The following ABLIM1 variants were observed in gnomAD, a reference collection of about 807,000 sequenced individuals.
ABLIM1 encodes the protein actin-binding LIM protein 1.
In ABLIM1, 40 loss-of-function variants were observed where a neutral mutation model predicts 107.0. The observed-to-expected ratio is 0.37, with a 90% confidence interval of 0.29 to 0.49. The LOEUF (loss-of-function observed/expected upper bound fraction) is 0.49. Among genes scored for constraint, ABLIM1 ranks in the 20% least tolerant of loss-of-function variants. The pLI, the probability that ABLIM1 is intolerant of heterozygous loss-of-function variation, is 0.97. For missense variants in ABLIM1, 857 were observed against 1,008.5 expected (o/e 0.85, Z 2.04); for synonymous variants, 357 against 357.3 (o/e 1.00, Z 0.01).
chr10:114,587,677 C>T (rs1158448448), intron 2 of ABLIM1, among the ~76,000 whole-genome samples: 2 of 152,170 alleles, frequency 1.3e-5, no homozygotes, highest in African/African-American at 2.4e-5. Flanking sequence ...GTCCTCACCG[C>T]CCACTGTCCT....
chr10:114,706,864 A>T (rs1219517074), intron 1 of ABLIM1, among the ~76,000 whole-genome samples: 1 of 152,172 alleles, frequency 6.6e-6, no homozygotes, highest in Non-Finnish European at 1.5e-5. Flanking sequence ...TTTAAAAAAA[A>T]AAAAATTCAG....
intron 6 of ABLIM1, among the ~76,000 whole-genome samples, chr10:114,493,907 G>C: frequency 6.6e-6 from 1 of 152,204 alleles, no homozygotes; most frequent in East Asian, 1.9e-4. Flanking sequence ...GGCTGCTTCT[G>C]TAAGTTTACG....
At chr10:114,678,547 C>T (rs2080597253) in intron 1 of ABLIM1, among the ~76,000 whole-genome samples, 1 of 152,154 alleles carries the variant, frequency 6.6e-6, no homozygotes, top group African/African-American at 2.4e-5. Context: ...GCAGCCATGT[C>T]CATTTATTTA....
intron 1 of ABLIM1, among the ~76,000 whole-genome samples, chr10:114,725,376 G>T (rs1243252828): frequency 6.6e-6 from 1 of 151,970 alleles, no homozygotes. Flanking sequence ...TGTGGAGCTG[G>T]GTTTTATAAA....
chr10:114,785,356 C>A, the ABLIM1 span, among the ~76,000 whole-genome samples: 1 of 152,108 alleles, frequency 6.6e-6, no homozygotes, highest in Non-Finnish European at 1.5e-5. Context: ...ATGTAACTTT[C>A]TTTTAAAAGA....
At chr10:114,471,948 G>A (rs2066656812) in intron 10 of ABLIM1, among the ~76,000 whole-genome samples, 1 of 151,498 alleles carries the variant, frequency 6.6e-6, no homozygotes. Flanking sequence ...CAGGGGAAAC[G>A]GACTTGGGTA....
intron 1 of ABLIM1, among the ~76,000 whole-genome samples, chr10:114,739,357 G>A (rs919418537): frequency 3.3e-5 from 5 of 152,212 alleles, no homozygotes; most frequent in Non-Finnish European, 7.3e-5. Context: ...ATCCTGGCGA[G>A]TCCATAGAGT....
chr10:114,586,035 G>A (rs968219206), intron 2 of ABLIM1, among the ~76,000 whole-genome samples: 9 of 152,124 alleles, frequency 5.9e-5, no homozygotes, highest in Non-Finnish European at 1.3e-4. Context: ...TCTGGACCCT[G>A]TGTCCAGAGC....
At chr10:114,646,891 C>T (rs1291484247) in intron 1 of ABLIM1, among the ~76,000 whole-genome samples, 1 of 152,200 alleles carries the variant, frequency 6.6e-6, no homozygotes, top group Non-Finnish European at 1.5e-5. Context: ...TGAAGTATTA[C>T]TAAACAATTA....
chr10:114,439,893 G>T, intron 20 of ABLIM1, 189 bp downstream of exon 20: 3 of 943,006 alleles, frequency 3.2e-6, no homozygotes, highest in Non-Finnish European at 4.7e-6. Flanking sequence ...TGTCCCCAAG[G>T]CCTGCAGGGA....
At chr10:114,795,927 T>C in the ABLIM1 span, among the ~76,000 whole-genome samples, 2,030 of 152,110 alleles carry the variant, frequency 0.013, 52 homozygotes, top group African/African-American at 0.046. Flanking sequence ...TTTTATTTTA[T>C]TTTGCCTATA....
intron 2 of ABLIM1, among the ~76,000 whole-genome samples, chr10:114,583,458 CACACACACACATATATATATATATAT>C (rs2073782195): frequency 8.6e-5 from 1 of 11,634 alleles, no homozygotes; most frequent in Non-Finnish European, 1.8e-4. Flanking sequence ...CACACACACA[CACACACACACATATATATATATATAT>C]ATATATATAT....
At chr10:114,549,118 C>CT (rs1433916129) in intron 4 of ABLIM1, among the ~76,000 whole-genome samples, 1 of 152,204 alleles carries the variant, frequency 6.6e-6, no homozygotes, top group African/African-American at 2.4e-5. Context: ...GGTGCGGTGG[C>CT]ACACACCTGT....
chr10:114,600,617 C>T (rs374848557), intron 2 of ABLIM1, among the ~76,000 whole-genome samples: 47 of 152,188 alleles, frequency 3.1e-4, no homozygotes, highest in African/African-American at 1.1e-3. Flanking sequence ...GTCTTTGTGA[C>T]GTATGACACT....
At position 114,431,809 on chromosome 10, in the gene ABLIM1, A is replaced by G. The variant is rs944362645; in HGVS notation, c.*4451T>C. The G allele has an allele frequency of 6.6e-6, 1 of 152,224 alleles. No homozygotes were observed. The highest frequency in any genetic ancestry group is 2.4e-5 in the African/African-American group (1 of 41,454). 9.4% of individuals were successfully genotyped at this position (152,224 alleles called of 1,614,324 possible). A position where few individuals can be genotyped will look rare whatever the true frequency, so the allele number is the denominator to read the frequency against. ...TTGGATTTGTTTAATTTTGCTGTGTACCTATACATTGTTTAGAAAGTTTCT... is the reference window on the plus strand; with the variant it reads ...TTGGATTTGTTTAATTTTGCTGTGTGCCTATACATTGTTTAGAAAGTTTCT... On this transcript the variant is annotated 3_prime_UTR_variant, in exon 23 of 23. Transcript: ENST00000533213.
At chr10:114,680,300 G>T (rs1472927669) in intron 1 of ABLIM1, among the ~76,000 whole-genome samples, 1 of 152,190 alleles carries the variant, frequency 6.6e-6, no homozygotes, top group Non-Finnish European at 1.5e-5. Flanking sequence ...CTGAGGCTTA[G>T]AGAAGTTGAG....
rs183105831 is a variant in ABLIM1 at position 114,569,469 on chromosome 10, G to A, written c.673+1828C>T. Among the ~76,000 whole-genome samples the A allele has an allele frequency of 2.4e-3, 371 of 152,014 alleles. 3 individuals are homozygous for A. The highest frequency in any genetic ancestry group is 8.4e-3 in the African/African-American group (347 of 41,468). On this transcript the variant is annotated intron_variant, in intron 4 of 22. Transcript: ENST00000533213. ...CGAGTAGCTGGGATTACAGGTACCC[G>A]CCACCACGCTCGGCTAATTTTTGTA... is the stretch of plus-strand genomic sequence containing the variant.
At chr10:114,505,811 A>T (rs1247372112) in intron 6 of ABLIM1, among the ~76,000 whole-genome samples, 3 of 151,836 alleles carry the variant, frequency 2.0e-5, no homozygotes, top group African/African-American at 4.8e-5. Flanking sequence ...TTCCCATCCC[A>T]CCCTGCTCTT....
At chr10:114,752,611 C>T (rs1258993053) in intron 1 of ABLIM1, among the ~76,000 whole-genome samples, 1 of 152,168 alleles carries the variant, frequency 6.6e-6, no homozygotes, top group Non-Finnish European at 1.5e-5. Flanking sequence ...TGCCAACAGG[C>T]CCCAGTGTGT....
Sources: allele counts gnomAD v4.1 joint callset (sites outside exome capture counted in the v4.1 genomes callset), GRCh38; gene constraint gnomAD v4.1.1; transcripts MANE v1.5; gene names NCBI Gene and HGNC (gene_info 2026-07-23, HGNC 2026-07-21).